PIK3CB: variants seen among roughly 807,000 people sequenced by gnomAD.
PIK3CB encodes the protein phosphatidylinositol-4,5-bisphosphate 3-kinase catalytic subunit beta, also known as phosphatidylinositol 4,5-bisphosphate 3-kinase catalytic subunit beta isoform.
PIK3CB carries 39 observed loss-of-function variants against 136.8 expected under a neutral mutation model. The ratio of observed to expected loss-of-function variants is 0.29; its 90% CI spans 0.22 to 0.37. The LOEUF (loss-of-function observed/expected upper bound fraction) is 0.37, where lower values mean the gene tolerates loss of function less well. Ranked by LOEUF, PIK3CB falls within the 10% of genes least tolerant of loss-of-function variation. PIK3CB has a pLI of 1.00. For synonymous variants in PIK3CB, 428 were observed against 436.6 expected (o/e 0.98, Z 0.25); for missense variants, 868 against 1,275.4 (o/e 0.68, Z 4.87).
chr3:138,746,911 A>G (rs2045365398), intron 4 of PIK3CB, among the ~76,000 whole-genome samples: 1 of 150,748 alleles, frequency 6.6e-6, no homozygotes, highest in Middle Eastern at 3.2e-3. Context: ...TGCAAGGTTT[A>G]GCACCTGCTG....
At chr3:138,796,047 C>G (rs922943208) in intron 2 of PIK3CB, among the ~76,000 whole-genome samples, 1 of 152,088 alleles carries the variant, frequency 6.6e-6, no homozygotes, top group African/African-American at 2.4e-5. Context: ...ACCTAGCATC[C>G]CCCCTACTCC....
chr3:138,705,824 G>C (rs1418913891), intron 11 of PIK3CB, among the ~76,000 whole-genome samples: 1 of 152,062 alleles, frequency 6.6e-6, no homozygotes, highest in Non-Finnish European at 1.5e-5. Context: ...ATGACCATAG[G>C]TCACTGCAGT....
chr3:138,834,817 C>G lies in PIK3CB; in HGVS notation c.-244G>C, dbSNP rs1360066385. ...GCCTCTCTCGATCACCTCCCGCCTG[C>G]CCCGCGCAGCACTACACTCGCCCCC... On this transcript the variant is annotated 5_prime_UTR_variant, in exon 1 of 24. Transcript: ENST00000674063. 6.5e-6 allele frequency: 1 copy of G among 152,970 alleles called. No homozygotes were observed. The highest frequency in any genetic ancestry group is 1.4e-5 in the Non-Finnish European group (1 of 69,116). The allele number at this position is 152,970 out of a possible 1,614,324, so 9.5% of individuals were successfully genotyped here. A position where few individuals can be genotyped will look rare whatever the true frequency, so the allele number is the denominator to read the frequency against.
At chr3:138,771,159 T>C (rs960861207) in intron 2 of PIK3CB, among the ~76,000 whole-genome samples, 1 of 152,100 alleles carries the variant, frequency 6.6e-6, no homozygotes, top group African/African-American at 2.4e-5. Flanking sequence ...TGTTGATGTG[T>C]TCATGGTGAA....
At chr3:138,739,240 T>C (rs1034043430) in intron 5 of PIK3CB, among the ~76,000 whole-genome samples, 8 of 151,782 alleles carry the variant, frequency 5.3e-5, no homozygotes, top group Admixed American at 6.6e-5. Context: ...GGTCAGGAGA[T>C]CATGACCAGC....
intron 4 of PIK3CB, among the ~76,000 whole-genome samples, chr3:138,751,563 C>A (rs1387444346): frequency 6.6e-6 from 1 of 152,088 alleles, no homozygotes; most frequent in Admixed American, 6.5e-5. Context: ...GAGAATCTAA[C>A]AGCAAAGCTT....
chr3:138,834,506 C>A (rs144442634), intron 1 of PIK3CB, among the ~76,000 whole-genome samples, 189 bp downstream of exon 1: 2 of 152,308 alleles, frequency 1.3e-5, no homozygotes, highest in East Asian at 3.9e-4. Context: ...AAGCCAGACG[C>A]CCCCACCGGC....
chr3:138,824,906 A>G (rs1474779536), intron 1 of PIK3CB, among the ~76,000 whole-genome samples: 4 of 151,402 alleles, frequency 2.6e-5, no homozygotes, highest in African/African-American at 9.7e-5. Context: ...AAAAAAAAAA[A>G]AAAAAAAAGT....
chr3:138,768,100 T>C lies in PIK3CB; in HGVS notation c.-16-8741A>G, dbSNP rs2045757174. On this transcript the variant is annotated intron_variant, in intron 2 of 23. Transcript: ENST00000674063. The stretch of plus-strand genomic sequence containing the variant: ...GGACCTGGAGTGGGTAGCTCTTCTC[T>C]GAAGGCAGGTCATCCTGTCATCTCT... Among the ~76,000 whole-genome samples, 3 of 152,300 alleles carry C rather than the reference T, an allele frequency of 2.0e-5. No homozygotes were observed. The South Asian group carries it at 6.2e-4, about 32-fold the overall frequency.
chr3:138,725,074 T>C (rs1396695944), intron 8 of PIK3CB, among the ~76,000 whole-genome samples: 4 of 152,172 alleles, frequency 2.6e-5, no homozygotes, highest in African/African-American at 9.7e-5. Context: ...GTTCAGTATT[T>C]GGGTGATAAA....
intron 1 of PIK3CB, among the ~76,000 whole-genome samples, chr3:138,806,593 G>C (rs1342544847): frequency 6.6e-6 from 1 of 152,184 alleles, no homozygotes; most frequent in African/African-American, 2.4e-5. Context: ...TGCTAGAACT[G>C]AAGAGAGGAA....
At chr3:138,668,443 G>A (rs905027207) in intron 19 of PIK3CB, among the ~76,000 whole-genome samples, 4 of 152,084 alleles carry the variant, frequency 2.6e-5, no homozygotes, top group Non-Finnish European at 4.4e-5. Context: ...CAAACTCTTG[G>A]AGCCCTAATC....
chr3:138,754,305 G>A (rs920390169), intron 4 of PIK3CB, among the ~76,000 whole-genome samples: 1 of 152,024 alleles, frequency 6.6e-6, no homozygotes, highest in Non-Finnish European at 1.5e-5. Flanking sequence ...ATGGTGGCTT[G>A]CATCTGTATG....
intron 2 of PIK3CB, among the ~76,000 whole-genome samples, chr3:138,769,162 C>T (rs557254439): frequency 4.6e-5 from 7 of 152,282 alleles, no homozygotes; most frequent in Admixed American, 1.3e-4. Context: ...CATGCAGCCC[C>T]GGCCACACCT....
At chr3:138,678,382 T>A in intron 19 of PIK3CB, among the ~76,000 whole-genome samples, 1 of 151,906 alleles carries the variant, frequency 6.6e-6, no homozygotes, top group Admixed American at 6.6e-5. Context: ...ATTTTTTTAA[T>A]AAGTAAGAAT....
At chr3:138,770,118 C>T (rs182826853) in intron 2 of PIK3CB, 1 of 152,138 alleles carries the variant, frequency 6.6e-6, no homozygotes, top group Non-Finnish European at 1.5e-5. Flanking sequence ...AGATCAAAGG[C>T]TAAGGACAAG....
At chr3:138,750,534 A>C (rs2045451051) in intron 4 of PIK3CB, among the ~76,000 whole-genome samples, 1 of 152,198 alleles carries the variant, frequency 6.6e-6, no homozygotes, top group Non-Finnish European at 1.5e-5. Context: ...CAGGAGGCGA[A>C]GTTCAGGTGG....
At chr3:138,657,976 G>T in intron 21 of PIK3CB, 141 bp from the exon 22 acceptor site, 1 of 675,766 alleles carries the variant, frequency 1.5e-6, no homozygotes, top group Non-Finnish European at 2.4e-6. Context: ...AGCCCACTGA[G>T]CCAGGTGAGA....
intron 12 of PIK3CB, among the ~76,000 whole-genome samples, chr3:138,699,310 T>G (rs1405068555): frequency 6.6e-6 from 1 of 151,144 alleles, no homozygotes; most frequent in East Asian, 1.9e-4. Flanking sequence ...TCTAAAAATG[T>G]AAACTGTGCA....
Sources: allele counts gnomAD v4.1 joint callset (sites outside exome capture counted in the v4.1 genomes callset), GRCh38; gene constraint gnomAD v4.1.1; transcripts MANE v1.5; gene names NCBI Gene and HGNC (gene_info 2026-07-23, HGNC 2026-07-21).